OXR1: variants seen among roughly 807,000 people sequenced by gnomAD.
OXR1 encodes oxidation resistance protein 1.
In OXR1, 41 loss-of-function variants were observed where a neutral mutation model predicts 104.6. The observed-to-expected ratio is 0.39, with a 90% CI of 0.31 to 0.51. The LOEUF is 0.51. OXR1 is among the 20% of genes least tolerant of loss of function. OXR1 has a pLI of 0.77. For missense variants in OXR1, 955 were observed against 1,031.9 expected (o/e 0.93, Z 1.02); for synonymous variants, 348 against 348.4 (o/e 1.00, Z 0.01).
chr8:106,586,135 C>A lies in OXR1; in HGVS notation c.220+66996C>A, dbSNP rs114843237. Among the ~76,000 whole-genome samples the A allele has an allele frequency of 2.9e-3, 434 of 152,188 alleles. 1 individual carries two copies. The highest frequency in any genetic ancestry group is 9.9e-3 in the African/African-American group (409 of 41,508). ...CGTGGAAAACAAATTGTTGGAACATCAAGATTGGAAGCAGACCAGTTAGGA... is the reference window on the plus strand; with the variant it reads ...CGTGGAAAACAAATTGTTGGAACATAAAGATTGGAAGCAGACCAGTTAGGA... On this transcript the variant is annotated intron_variant, in intron 3 of 16. Coordinates refer to ENST00000517566, the MANE Select transcript of OXR1 (RefSeq NM_001198533.2).
chr8:106,593,520 T>C (rs1819267454), intron 3 of OXR1, among the ~76,000 whole-genome samples: 1 of 152,230 alleles, frequency 6.6e-6, no homozygotes, highest in South Asian at 2.1e-4. Context: ...GGCTCATGCC[T>C]GTAATCCCAG....
At chr8:106,735,757 C>G (rs990312354) in intron 11 of OXR1, among the ~76,000 whole-genome samples, 1 of 151,884 alleles carries the variant, frequency 6.6e-6, no homozygotes, top group African/African-American at 2.4e-5. Flanking sequence ...ATTTTTAGTA[C>G]CTAATTTTTC....
intron 15 of OXR1, 34 bp from the exon 16 acceptor site, chr8:106,745,755 C>T (rs778282381): frequency 9.6e-7 from 1 of 1,038,856 alleles, no homozygotes; most frequent in Non-Finnish European, 1.5e-6. Context: ...ACCATTTCAT[C>T]TATATATTTA....
chr8:106,549,510 A>C (rs1586794915), intron 3 of OXR1, among the ~76,000 whole-genome samples: 2 of 152,150 alleles, frequency 1.3e-5, no homozygotes, highest in East Asian at 3.9e-4. Flanking sequence ...TTTTCTTACT[A>C]ATTTCCTCAT....
At chr8:106,593,637 T>C (rs923628983) in intron 3 of OXR1, among the ~76,000 whole-genome samples, 14 of 151,714 alleles carry the variant, frequency 9.2e-5, no homozygotes, top group Admixed American at 3.9e-4. Flanking sequence ...ATTAGCCGGG[T>C]GTGGTGGCAG....
chr8:106,491,815 C>A (rs1811106584), intron 2 of OXR1, among the ~76,000 whole-genome samples: 2 of 152,106 alleles, frequency 1.3e-5, no homozygotes, highest in African/African-American at 4.8e-5. Flanking sequence ...TCATAGGTAT[C>A]AATTGAGGTG....
intron 1 of OXR1, among the ~76,000 whole-genome samples, chr8:106,345,153 G>A (rs767469012): frequency 6.6e-6 from 1 of 152,194 alleles, no homozygotes; most frequent in Non-Finnish European, 1.5e-5. Flanking sequence ...CCTTAGAAAA[G>A]TGCCTGACAC....
In OXR1 at chr8:106,751,503, T is replaced by C. The variant is rs566732675; in HGVS notation, c.*562T>C. The C allele has an allele frequency of 6.5e-6, 1 of 152,728 alleles. No individual in the cohort carries two copies. Among genetic ancestry groups the C allele is most frequent in the South Asian group, 2.1e-4 (1 of 4,832 alleles). 9.5% of individuals were successfully genotyped at this position (152,728 alleles called of 1,614,324 possible). A position where few individuals can be genotyped will look rare whatever the true frequency, so the allele number is the denominator to read the frequency against. ...CACACTACAACATTCTCTTTAACGA[T>C]GTTGCAGGTATTCTCAATTTCCTTT... On this transcript the variant is annotated 3_prime_UTR_variant, in exon 17 of 17. Coordinates refer to ENST00000517566, the MANE Select transcript of OXR1 (RefSeq NM_001198533.2).
chr8:106,703,303 A>G (rs777125649), intron 8 of OXR1, among the ~76,000 whole-genome samples: 20 of 152,254 alleles, frequency 1.3e-4, no homozygotes, highest in Non-Finnish European at 2.8e-4. Context: ...GTATGTGGTC[A>G]GAGAACCAGA....
At chr8:106,625,442 A>G (rs900199121) in intron 3 of OXR1, among the ~76,000 whole-genome samples, 3 of 152,216 alleles carry the variant, frequency 2.0e-5, no homozygotes, top group African/African-American at 7.2e-5. Context: ...AAACAGGAAA[A>G]CAAAAAGAAT....
intron 2 of OXR1, among the ~76,000 whole-genome samples, chr8:106,440,035 G>A (rs372992615): frequency 2.0e-5 from 3 of 152,132 alleles, no homozygotes; most frequent in South Asian, 2.1e-4. Context: ...TCACTGAATT[G>A]ACCTTTTATT....
chr8:106,691,075 CA>C (rs34483039), intron 6 of OXR1, among the ~76,000 whole-genome samples: 2 of 151,710 alleles, frequency 1.3e-5, no homozygotes, highest in Admixed American at 1.3e-4. Flanking sequence ...ATATATTCTA[CA>C]AAAAAAGATA....
intron 3 of OXR1, among the ~76,000 whole-genome samples, chr8:106,556,895 C>T (rs1816324698): frequency 6.6e-6 from 1 of 152,204 alleles, no homozygotes; most frequent in Non-Finnish European, 1.5e-5. Flanking sequence ...TCTGAGCTTT[C>T]CTCCCATAGC....
chr8:106,275,870 TTTATC>T (rs1355178292), intron 1 of OXR1, among the ~76,000 whole-genome samples: 1 of 152,186 alleles, frequency 6.6e-6, no homozygotes, highest in Non-Finnish European at 1.5e-5. Flanking sequence ...AAAATTTCAT[TTTATC>T]TTATAATTGT....
At chr8:106,516,773 AT>A (rs1184927519) in intron 2 of OXR1, among the ~76,000 whole-genome samples, 1 of 152,184 alleles carries the variant, frequency 6.6e-6, no homozygotes, top group African/African-American at 2.4e-5. Flanking sequence ...ACAATATGAT[AT>A]TTTAAGAGAG....
In OXR1 at chr8:106,519,098, A is replaced by G. The variant is rs926387035; in HGVS notation, c.179A>G (p.His60Arg). ...EQNNAANTQK[H>R]PSRRSELKRF... ...AACAATGCAGCAAATACTCAGAAAC[A>G]TCCTTCCAGAAGGAGCGAACTGAAG... The change falls in exon 3 of 17, where the codon CAT becomes CGT. Residue 60 changes from histidine (H) to arginine (R), a missense_variant. His to Arg is a conservative substitution (Grantham distance 29, BLOSUM62 0). Coordinates refer to ENST00000517566, the MANE Select transcript of OXR1 (RefSeq NM_001198533.2). 1.3e-6 allele frequency: 2 copies of G among 1,552,186 alleles called. No homozygotes were observed. Among genetic ancestry groups the G allele is most frequent in the East Asian group, 2.4e-5 (1 of 40,920 alleles).
chr8:106,289,875 G>A (rs574170757), intron 1 of OXR1, among the ~76,000 whole-genome samples: 1 of 152,272 alleles, frequency 6.6e-6, no homozygotes, highest in South Asian at 2.1e-4. Flanking sequence ...GATAGTGAGT[G>A]AGTGAGTTCC....
At chr8:106,362,355 T>A (rs1286308598) in intron 2 of OXR1, among the ~76,000 whole-genome samples, 1 of 152,186 alleles carries the variant, frequency 6.6e-6, no homozygotes, top group Admixed American at 6.6e-5. Flanking sequence ...GTAGAAAACC[T>A]AGGAATTTTA....
intron 3 of OXR1, among the ~76,000 whole-genome samples, chr8:106,585,662 C>T (rs947469976): frequency 5.3e-5 from 8 of 151,966 alleles, no homozygotes; most frequent in African/African-American, 1.9e-4. Flanking sequence ...AAAGAAAATG[C>T]CAAGCCAGGT....
Sources: allele counts gnomAD v4.1 joint callset (sites outside exome capture counted in the v4.1 genomes callset), GRCh38; gene constraint gnomAD v4.1.1; transcripts MANE v1.5; gene names NCBI Gene and HGNC (gene_info 2026-07-23, HGNC 2026-07-21).